Variants in TCF7L2 observed in about 807,000 individuals in gnomAD.
TCF7L2 encodes the protein transcription factor 7 like 2, also known as transcription factor 7-like 2.
Under a neutral mutation model 77.9 loss-of-function variants are expected in TCF7L2, and 23 were observed. The observed-to-expected ratio is 0.30, with a 90% CI of 0.21 to 0.42. TCF7L2 has a LOEUF of 0.42. TCF7L2 is among the 10% of genes least tolerant of loss of function. The probability of loss-of-function intolerance (pLI) is 1.00; values close to 1 mark genes in which losing one functional copy is unlikely to be tolerated. For missense variants in TCF7L2, 654 were observed against 793.1 expected (o/e 0.82, Z 2.11); for synonymous variants, 413 against 340.2 (o/e 1.21, Z -2.36).
At chr10:113,048,415 C>T (rs919316662) in intron 5 of TCF7L2, among the ~76,000 whole-genome samples, 1 of 152,160 alleles carries the variant, frequency 6.6e-6, no homozygotes, top group African/African-American at 2.4e-5. Context: ...GGCTCTCTCT[C>T]CTCCCACAAT....
rs190885652 is a variant in TCF7L2, at chr10:113,040,136, C to G, written c.552+10C>G. On this transcript the variant is annotated intron_variant, in intron 5 of 13. Coordinates refer to ENST00000627217, the MANE Select transcript of TCF7L2 (RefSeq NM_001146274.2). ...ACCGGCACACATTGTCGTAAGTAAC[C>G]TCCCAGAGATGATGGCTTCCTTTAT... is the stretch of plus-strand genomic sequence containing the variant. 1 of 1,611,942 alleles carries G rather than the reference C, an allele frequency of 6.2e-7. No individual in the cohort carries two copies. Among genetic ancestry groups the G allele is most frequent in the Admixed American group, 1.7e-5 (1 of 59,772 alleles).
intron 4 of TCF7L2, among the ~76,000 whole-genome samples, chr10:113,017,407 A>G (rs1389290090): frequency 6.6e-6 from 1 of 152,250 alleles, no homozygotes; most frequent in Non-Finnish European, 1.5e-5. Context: ...TCAGCATCCC[A>G]TGTGCCCACT....
rs142381727 is a variant in TCF7L2 at position 113,093,375 on chromosome 10, T to C, written c.553-47809T>C. ...GGCCATGGTTCTTGGCCATGGTTCT[T>C]GGCCATGGTTCAGAGCTGTGATACC... On this transcript the variant is annotated intron_variant, in intron 5 of 13. Coordinates refer to ENST00000627217, the MANE Select transcript of TCF7L2 (RefSeq NM_001146274.2). 5.5e-3 allele frequency among the ~76,000 whole-genome samples: 832 copies of C among 152,272 alleles called. 9 individuals carry two copies. The highest frequency in any genetic ancestry group is 0.019 in the African/African-American group (810 of 41,546).
intron 4 of TCF7L2, among the ~76,000 whole-genome samples, chr10:113,036,135 A>G (rs1046016763): frequency 2.6e-5 from 4 of 151,178 alleles, no homozygotes; most frequent in Non-Finnish European, 5.9e-5. Flanking sequence ...CATCATCATC[A>G]TCATCATCAT....
At chr10:113,147,941 A>AG (rs1213426412) in intron 8 of TCF7L2, among the ~76,000 whole-genome samples, 3 of 152,164 alleles carry the variant, frequency 2.0e-5, no homozygotes, top group Admixed American at 6.5e-5. Context: ...CTCCCCAGGT[A>AG]GGCCAAATGA....
At chr10:112,983,675 C>G (rs997724896) in intron 4 of TCF7L2, among the ~76,000 whole-genome samples, 1 of 152,072 alleles carries the variant, frequency 6.6e-6, no homozygotes, top group Non-Finnish European at 1.5e-5. Flanking sequence ...GCCTCAAAGA[C>G]AAGTGGTGTT....
chr10:112,977,751 T>C (rs902108306), intron 4 of TCF7L2, among the ~76,000 whole-genome samples: 7 of 152,202 alleles, frequency 4.6e-5, no homozygotes, highest in African/African-American at 1.7e-4. Context: ...AGGGGACCAC[T>C]TGGGGGAAAG....
At chr10:113,124,657 T>C (rs1250839941) in intron 5 of TCF7L2, among the ~76,000 whole-genome samples, 8 of 152,106 alleles carry the variant, frequency 5.3e-5, no homozygotes. Flanking sequence ...AATTCAAATA[T>C]GTTGGTTATG....
chr10:113,142,112 C>T (rs1427003987), intron 6 of TCF7L2, among the ~76,000 whole-genome samples: 1 of 152,238 alleles, frequency 6.6e-6, no homozygotes, highest in Admixed American at 6.5e-5. Flanking sequence ...TTAAACAATT[C>T]TCCTGCCTGA....
At chr10:113,027,719 T>C (rs1390872260) in intron 4 of TCF7L2, among the ~76,000 whole-genome samples, 1 of 152,172 alleles carries the variant, frequency 6.6e-6, no homozygotes, top group Non-Finnish European at 1.5e-5. Flanking sequence ...TTCTACAGCC[T>C]GCAACCCTAT....
At chr10:112,973,980 G>A (rs529221139) in intron 4 of TCF7L2, among the ~76,000 whole-genome samples, 5 of 152,312 alleles carry the variant, frequency 3.3e-5, no homozygotes, top group Admixed American at 6.5e-5. Flanking sequence ...GTGCATGGAG[G>A]TGAATGGGTT....
At chr10:113,065,439 G>C (rs1167396676) in intron 5 of TCF7L2, among the ~76,000 whole-genome samples, 1 of 152,178 alleles carries the variant, frequency 6.6e-6, no homozygotes, top group East Asian at 1.9e-4. Context: ...CCTTATTTTT[G>C]TTCAGTATAT....
intron 7 of TCF7L2, 53 bp from the exon 8 acceptor site, chr10:113,145,958 T>TGGGGGGC: frequency 7.4e-7 from 1 of 1,350,238 alleles, no homozygotes; most frequent in Non-Finnish European, 1.0e-6. Context: ...CTTTTTCTTG[T>TGGGGGGC]CCCCACCCCC....
chr10:113,011,988 A>G (rs547781200), intron 4 of TCF7L2, among the ~76,000 whole-genome samples: 7 of 151,898 alleles, frequency 4.6e-5, no homozygotes, highest in South Asian at 2.1e-4. Flanking sequence ...TTACCGCCTC[A>G]AGTATTGCTC....
Position 113,106,827 on chromosome 10 carries a change from C to T in TCF7L2, c.553-34357C>T, listed in dbSNP as rs938376422. 3.3e-5 allele frequency among the ~76,000 whole-genome samples: 5 copies of T among 152,270 alleles called. No individual in the cohort carries two copies. The East Asian group carries it at 9.7e-4, about 29-fold the overall frequency. ...TTTTTATAAAGTGTTGCTTTCTGGG[C>T]TTTCATTAAAAGCTCAAACATAGAA... On this transcript the variant is annotated intron_variant, in intron 5 of 13. Coordinates refer to ENST00000627217, the MANE Select transcript of TCF7L2 (RefSeq NM_001146274.2).
intron 5 of TCF7L2, among the ~76,000 whole-genome samples, chr10:113,120,298 C>T (rs2064565597): frequency 6.6e-6 from 1 of 152,176 alleles, no homozygotes; most frequent in Non-Finnish European, 1.5e-5. Context: ...TTTGGACCAT[C>T]CTCACACAGA....
At chr10:113,014,098 C>A (rs1270483119) in intron 4 of TCF7L2, among the ~76,000 whole-genome samples, 1 of 152,204 alleles carries the variant, frequency 6.6e-6, no homozygotes, top group Non-Finnish European at 1.5e-5. Flanking sequence ...GTAGACGCAC[C>A]AAGGGCATGT....
intron 5 of TCF7L2, among the ~76,000 whole-genome samples, chr10:113,073,759 CCT>C (rs2058374428): frequency 6.6e-6 from 1 of 152,134 alleles, no homozygotes; most frequent in Admixed American, 6.6e-5. Context: ...TTCCCGATCT[CCT>C]TTTTTATTTG....
At chr10:113,097,660 A>AC (rs2061173929) in intron 5 of TCF7L2, among the ~76,000 whole-genome samples, 11 of 143,472 alleles carry the variant, frequency 7.7e-5, no homozygotes, top group African/African-American at 2.8e-4. Context: ...AAAAAAAAAA[A>AC]AAAAAAAAAA....
Sources: gnomAD v4.1 joint callset for allele counts (sites outside exome capture counted in the v4.1 genomes callset) on GRCh38, gnomAD v4.1.1 for gene constraint, MANE v1.5 for transcripts, NCBI Gene and HGNC (gene_info 2026-07-23, HGNC 2026-07-21) for gene names.